Variants in ADAMTS9 observed in about 807,000 individuals in gnomAD.
The protein encoded by ADAMTS9 is A disintegrin and metalloproteinase with thrombospondin motifs 9.
In ADAMTS9, 107 loss-of-function variants were observed where a neutral mutation model predicts 257.1. That is an observed-to-expected ratio of 0.42 (90% CI 0.36 to 0.49). The LOEUF (loss-of-function observed/expected upper bound fraction) is 0.49, where lower values mean the gene tolerates loss of function less well. Among genes scored for constraint, ADAMTS9 ranks in the 20% least tolerant of loss-of-function variants. ADAMTS9 has a pLI of 0.03. For synonymous variants in ADAMTS9, 982 were observed against 880.9 expected (o/e 1.11, Z -2.03); for missense variants, 2,353 against 2,469.1 (o/e 0.95, Z 1.00).
intron 4 of ADAMTS9, 148 bp from the exon 5 acceptor site, chr3:64,656,023 A>C (rs2106961072): frequency 1.9e-6 from 1 of 535,624 alleles, no homozygotes; most frequent in Non-Finnish European, 3.4e-6. Context: ...ACTCAACAAC[A>C]CTTTTTGTAA....
rs1036917 is a variant in ADAMTS9, at chr3:64,541,789, C to T, written c.5197+49G>A. 1,283,894 of 1,607,402 alleles carry T rather than the reference C, an allele frequency of 0.8. 530,092 individuals are homozygous for T. The highest frequency in any genetic ancestry group is 0.86 in the Non-Finnish European group (1,008,010 of 1,175,576). On this transcript the variant is annotated intron_variant, in intron 33 of 39. Coordinates refer to ENST00000498707, the MANE Select transcript of ADAMTS9 (RefSeq NM_182920.2). ...GGGCAGGCAATCAAATGAACAAAGA[C>T]ATCCTGTTCTTCATGCTAAAGAAAG... is the stretch of plus-strand genomic sequence containing the variant.
intron 12 of ADAMTS9, among the ~76,000 whole-genome samples, chr3:64,634,613 C>T (rs1700447625): frequency 6.6e-6 from 1 of 152,124 alleles, no homozygotes. Context: ...AGATGTGATC[C>T]AGAGAGTAAA....
chr3:64,526,312 T>C (rs1449682519), intron 38 of ADAMTS9, among the ~76,000 whole-genome samples: 2 of 151,974 alleles, frequency 1.3e-5, no homozygotes, highest in Non-Finnish European at 2.9e-5. Flanking sequence ...AACTATGATA[T>C]ATCGATAAAA....
At chr3:64,549,124 A>T (rs757999371) in intron 31 of ADAMTS9, among the ~76,000 whole-genome samples, 1 of 152,148 alleles carries the variant, frequency 6.6e-6, no homozygotes, top group Non-Finnish European at 1.5e-5. Flanking sequence ...CTCTCCCCTC[A>T]TTGCAGGTTT....
At chr3:64,635,945 C>A (rs1700484656) in intron 12 of ADAMTS9, among the ~76,000 whole-genome samples, 1 of 152,098 alleles carries the variant, frequency 6.6e-6, no homozygotes, top group Admixed American at 6.5e-5. Flanking sequence ...AGGAAGACCC[C>A]CTTCAATTTT....
chr3:64,603,856 G>T, intron 25 of ADAMTS9, 66 bp downstream of exon 25: 2 of 1,543,912 alleles, frequency 1.3e-6, no homozygotes, highest in South Asian at 2.4e-5. Context: ...GCCCCCCTCC[G>T]CTGACTCCTC....
At chr3:64,595,311 T>A (rs966335147) in intron 27 of ADAMTS9, among the ~76,000 whole-genome samples, 3 of 152,198 alleles carry the variant, frequency 2.0e-5, no homozygotes, top group Non-Finnish European at 4.4e-5. Flanking sequence ...GTGGGAACAC[T>A]GGATAAGGTT....
chr3:64,559,005 C>T lies in ADAMTS9; in HGVS notation c.4698+2573G>A, dbSNP rs540003534. On this transcript the variant is annotated intron_variant, in intron 30 of 39. Transcript: ENST00000498707. Reference sequence around the variant, plus strand: ...ATGTGAGAGGCGGTGGCAGCAAGATCGGAGGTGAGGGCTGTGATTTAGGGG... The same window carrying T: ...ATGTGAGAGGCGGTGGCAGCAAGATTGGAGGTGAGGGCTGTGATTTAGGGG... 2.9e-4 allele frequency among the ~76,000 whole-genome samples: 44 copies of T among 152,128 alleles called. No individual in the cohort carries two copies. In the South Asian group the frequency reaches 3.7e-3, roughly 13 times the overall value.
At chr3:64,673,839 G>A (rs1335538387) in intron 3 of ADAMTS9, among the ~76,000 whole-genome samples, 2 of 151,922 alleles carry the variant, frequency 1.3e-5, no homozygotes, top group Non-Finnish European at 1.5e-5. Context: ...AGAAAAATAA[G>A]CAAATGTAGA....
At chr3:64,519,755 G>GA (rs1248596603) in intron 39 of ADAMTS9, among the ~76,000 whole-genome samples, 4 of 152,194 alleles carry the variant, frequency 2.6e-5, no homozygotes, top group South Asian at 4.1e-4. Flanking sequence ...ATCCCTTCAT[G>GA]ATAAAAACCT....
intron 11 of ADAMTS9, 106 bp from the exon 12 acceptor site, chr3:64,642,099 G>A: frequency 7.8e-7 from 1 of 1,289,018 alleles, no homozygotes; most frequent in Non-Finnish European, 1.1e-6. Context: ...CCATGTGTGG[G>A]TTTGAAATGC....
Position 64,517,426 on chromosome 3 carries a change from T to TTTTTG in ADAMTS9, c.*6-306_*6-305insCAAAA, listed in dbSNP as rs1436204836. On this transcript the variant is annotated intron_variant, in intron 39 of 39. Transcript: ENST00000498707. ...AGCTAATTAAAAATGGTTTTTTTTT[T>TTTTTG]TTTTTTTTTTTTTGCAGAAATGGGA... is the stretch of plus-strand genomic sequence containing the variant. Among the ~76,000 whole-genome samples the TTTTTG allele has an allele frequency of 1.6e-4, 21 of 128,204 alleles. 1 individual carries two copies. The South Asian group carries it at 5.8e-3, about 36-fold the overall frequency. 84.1% of individuals were successfully genotyped at this position (128,204 alleles called of 152,430 possible).
rs1044900824 is a variant in ADAMTS9 at position 64,571,265 on chromosome 3, C to G, written c.4357-2730G>C. ...CATCTAATTTAATCATCCCAATAAC[C>G]CAGTGAAACTCAGTAATAGAGATAG... On this transcript the variant is annotated intron_variant, in intron 28 of 39. Coordinates refer to ENST00000498707, the MANE Select transcript of ADAMTS9 (RefSeq NM_182920.2). 3.9e-5 allele frequency among the ~76,000 whole-genome samples: 6 copies of G among 152,190 alleles called. No homozygotes were observed. In the South Asian group the frequency reaches 8.3e-4, roughly 21 times the overall value.
chr3:64,632,738 A>G (rs567861708), intron 14 of ADAMTS9, among the ~76,000 whole-genome samples: 1 of 152,256 alleles, frequency 6.6e-6, no homozygotes, highest in Admixed American at 6.5e-5. Flanking sequence ...AATCTGCAGT[A>G]TAAGCTATTA....
At chr3:64,678,349 C>A (rs1328404308) in intron 3 of ADAMTS9, among the ~76,000 whole-genome samples, 2 of 152,200 alleles carry the variant, frequency 1.3e-5, no homozygotes, top group African/African-American at 4.8e-5. Context: ...AAAGTCAAGT[C>A]CACAGCAATG....
At chr3:64,620,724 C>T (rs974346437) in intron 19 of ADAMTS9, among the ~76,000 whole-genome samples, 4 of 152,142 alleles carry the variant, frequency 2.6e-5, no homozygotes, top group Non-Finnish European at 5.9e-5. Context: ...GGGTGGTATA[C>T]ACTCTCGGTA....
Position 64,604,052 on chromosome 3 carries a change from T to G in ADAMTS9, c.3617A>C (p.Tyr1206Ser). Reference protein sequence around the residue: ...ATCGKGTRMRYVSCRDENGSV... With the variant: ...ATCGKGTRMRSVSCRDENGSV... ...GCCATTCTCATCTCGGCAGCTGACG[T>G]ATCTCATCCGGGTACCTTTCCCACA... The change falls in exon 25 of 40, where the codon TAC becomes TCC. Residue 1206 changes from tyrosine (Y) to serine (S), a missense_variant. This residue lies in a region of ADAMTS9 where 1,402 missense variants were observed against 1,441.4 expected (regional missense o/e 0.97). Transcript: ENST00000498707. 6.2e-7 allele frequency: 1 copy of G among 1,614,110 alleles called. No homozygotes were observed. Among genetic ancestry groups the G allele is most frequent in the Non-Finnish European group, 8.5e-7 (1 of 1,180,000 alleles).
rs368425892 is a variant in ADAMTS9, at chr3:64,681,495, T to G, written c.517-132A>C. The G allele has an allele frequency of 1.1e-3, 990 of 866,370 alleles. 25 individuals are homozygous for G. In the South Asian group the frequency reaches 0.017, roughly 15 times the overall value. The allele number at this position is 866,370 out of a possible 1,614,324, so 53.7% of individuals were successfully genotyped here. ...TCTTTTTCAGGAGGGTTGTTTCAAC[T>G]GAAAATGCTGCAACATATGCGGAGA... On this transcript the variant is annotated intron_variant, in intron 2 of 39. Coordinates refer to ENST00000498707, the MANE Select transcript of ADAMTS9 (RefSeq NM_182920.2).
intron 25 of ADAMTS9, among the ~76,000 whole-genome samples, 193 bp from the exon 26 acceptor site, chr3:64,602,406 C>G (rs2084479989): frequency 6.6e-6 from 1 of 152,158 alleles, no homozygotes; most frequent in South Asian, 2.1e-4. Flanking sequence ...GCTCAGTATT[C>G]AAAATCACAA....
Sources: allele counts gnomAD v4.1 joint callset (sites outside exome capture counted in the v4.1 genomes callset), GRCh38; gene constraint gnomAD v4.1.1; regional missense constraint gnomAD v4.1.1; transcripts MANE v1.5; gene names NCBI Gene and HGNC (gene_info 2026-07-23, HGNC 2026-07-21).